Variants in NWD1 observed in about 807,000 individuals in gnomAD.
NWD1 encodes NACHT and WD repeat domain containing 1.
NWD1 carries 129 observed loss-of-function variants against 135.1 expected under a neutral mutation model. That is an observed-to-expected ratio of 0.96 (90% CI 0.83 to 1.11). NWD1 has a LOEUF of 1.11. Ranked by LOEUF, NWD1 falls within the 50% of genes least tolerant of loss-of-function variation. NWD1 has a pLI of 0.00. For synonymous variants in NWD1, 773 were observed against 786.0 expected (o/e 0.98, Z 0.28); for missense variants, 1,740 against 1,851.3 (o/e 0.94, Z 1.10).
chr19:16,762,255 C>T lies in NWD1; in HGVS notation c.2133+117C>T, dbSNP rs548771516. 1.7e-4 allele frequency: 145 copies of T among 869,290 alleles called. 1 individual carries two copies. Among genetic ancestry groups the T allele is most frequent in the Middle Eastern group, 1.3e-3 (4 of 3,200 alleles). 53.8% of individuals were successfully genotyped at this position (869,290 alleles called of 1,614,324 possible). ...GTCCTCCCGACCTACTTCTCCTTTC[C>T]GCACAGAGGGCAAGATGTCCCTTCT... On this transcript the variant is annotated intron_variant, in intron 8 of 18. Coordinates refer to ENST00000524140, the MANE Select transcript of NWD1 (RefSeq NM_001007525.5).
At chr19:16,796,073 G>A (rs180780072) in intron 15 of NWD1, among the ~76,000 whole-genome samples, 47 of 152,312 alleles carry the variant, frequency 3.1e-4, no homozygotes, top group Middle Eastern at 6.8e-3. Context: ...GGCTGAGTCT[G>A]GGCGTTTTTA....
intron 13 of NWD1, among the ~76,000 whole-genome samples, chr19:16,790,639 A>AAAAAAT (rs1555730357): frequency 6.8e-6 from 1 of 147,242 alleles, no homozygotes; most frequent in Non-Finnish European, 1.5e-5. Flanking sequence ...CATTAAAAAA[A>AAAAAAT]AATAAATAAA....
chr19:16,720,218 A>G lies in NWD1; in HGVS notation c.-180A>G, dbSNP rs1273775489. On this transcript the variant is annotated 5_prime_UTR_variant, in exon 1 of 19. Coordinates refer to ENST00000524140, the MANE Select transcript of NWD1 (RefSeq NM_001007525.5). The stretch of plus-strand genomic sequence containing the variant: ...GCCAGGCACGCCAGCCTTACCAGAC[A>G]AGATCCTTGGGCTCATGGAATTCAC... The G allele has an allele frequency of 6.6e-6, 1 of 152,238 alleles. No individual in the cohort carries two copies. Among genetic ancestry groups the G allele is most frequent in the Non-Finnish European group, 1.5e-5 (1 of 68,064 alleles). The allele number at this position is 152,238 out of a possible 1,614,324, so 9.4% of individuals were successfully genotyped here.
At chr19:16,803,628 T>A (rs1970666195) in intron 17 of NWD1, among the ~76,000 whole-genome samples, 1 of 151,840 alleles carries the variant, frequency 6.6e-6, no homozygotes, top group Non-Finnish European at 1.5e-5. Flanking sequence ...GGAAACTAGC[T>A]AGTCATGGCC....
chr19:16,770,741 G>A (rs934171822), intron 10 of NWD1, among the ~76,000 whole-genome samples: 4 of 152,146 alleles, frequency 2.6e-5, no homozygotes, highest in South Asian at 2.1e-4. Context: ...TGTTGCCATC[G>A]AGGGTCCTGT....
At chr19:16,727,028 G>A (rs1443810512) in intron 2 of NWD1, among the ~76,000 whole-genome samples, 1 of 152,150 alleles carries the variant, frequency 6.6e-6, no homozygotes, top group African/African-American at 2.4e-5. Flanking sequence ...AGAATGGGGT[G>A]GGACTTTCGT....
chr19:16,784,578 G>A (rs113537476), intron 12 of NWD1, among the ~76,000 whole-genome samples: 2 of 152,080 alleles, frequency 1.3e-5, no homozygotes, highest in Non-Finnish European at 2.9e-5. Context: ...TGAGGTTGGC[G>A]GGTCTACAGA....
chr19:16,731,666 G>A (rs113613781), intron 3 of NWD1, among the ~76,000 whole-genome samples: 3,734 of 149,486 alleles, frequency 0.025, 153 homozygotes, highest in African/African-American at 0.086. Flanking sequence ...GTGCAATGGT[G>A]CAATCTCAGC....
chr19:16,763,739 T>C (rs1034164366), intron 8 of NWD1, 89 bp from the exon 9 acceptor site: 2 of 840,448 alleles, frequency 2.4e-6, no homozygotes, highest in East Asian at 2.5e-5. Flanking sequence ...TCCAGCACTG[T>C]CTGGAGCATG....
intron 3 of NWD1, among the ~76,000 whole-genome samples, chr19:16,732,377 T>G (rs1265379148): frequency 6.6e-6 from 1 of 151,932 alleles, no homozygotes. Context: ...GTCATTTAAC[T>G]GTCTGTTGTT....
intron 14 of NWD1, among the ~76,000 whole-genome samples, chr19:16,792,176 G>C (rs1599541302): frequency 6.6e-6 from 1 of 152,284 alleles, no homozygotes; most frequent in Middle Eastern, 3.4e-3. Flanking sequence ...TTGCGCCACA[G>C]AGGGACTAGG....
chr19:16,722,765 CTT>C (rs980587110), intron 1 of NWD1, among the ~76,000 whole-genome samples: 2 of 151,848 alleles, frequency 1.3e-5, no homozygotes, highest in African/African-American at 4.8e-5. Flanking sequence ...AACAACATGA[CTT>C]AGAGAGGGAG....
In NWD1 at chr19:16,741,231, G is replaced by T. The variant is rs189094423; in HGVS notation, c.199-3190G>T. Among the ~76,000 whole-genome samples, 5 of 152,200 alleles carry T rather than the reference G, an allele frequency of 3.3e-5. No individual in the cohort carries two copies. In the East Asian group the frequency reaches 7.7e-4, roughly 24 times the overall value. ...CCCTCTTCTTGCCAGTGCCTTAGTC[G>T]CTGTGCCCTTCCTACAGCAGCCATG... On this transcript the variant is annotated intron_variant, in intron 4 of 18. Transcript: ENST00000524140.
At chr19:16,741,366 G>GTTT (rs1968071846) in intron 4 of NWD1, among the ~76,000 whole-genome samples, 1 of 135,390 alleles carries the variant, frequency 7.4e-6, no homozygotes, top group Admixed American at 7.6e-5. Context: ...TTTTGTTTTT[G>GTTT]TGTTTTTTTT....
At chr19:16,742,877 T>G (rs1968141768) in intron 4 of NWD1, among the ~76,000 whole-genome samples, 1 of 128,796 alleles carries the variant, frequency 7.8e-6, no homozygotes, top group South Asian at 2.6e-4. Flanking sequence ...TCTCACTATG[T>G]TGCCTATTAT....
intron 16 of NWD1, among the ~76,000 whole-genome samples, chr19:16,798,668 A>G (rs968878114): frequency 1.3e-5 from 2 of 152,172 alleles, no homozygotes; most frequent in Non-Finnish European, 2.9e-5. Context: ...TCAGTCGCCC[A>G]GGCTGGAGGG....
chr19:16,764,891 A>G, intron 9 of NWD1, 143 bp from the exon 10 acceptor site: 1 of 890,662 alleles, frequency 1.1e-6, no homozygotes, highest in Non-Finnish European at 1.7e-6. Context: ...TCAGCCCCTT[A>G]CCACAGAGAA....
chr19:16,810,734 C>T (rs891622599), intron 18 of NWD1, among the ~76,000 whole-genome samples: 1 of 152,010 alleles, frequency 6.6e-6, no homozygotes, highest in African/African-American at 2.4e-5. Context: ...CTGCACTCCA[C>T]CCTGGATGAC....
chr19:16,728,837 G>C (rs142434370), intron 2 of NWD1, among the ~76,000 whole-genome samples: 5 of 151,436 alleles, frequency 3.3e-5, no homozygotes, highest in South Asian at 2.1e-4. Flanking sequence ...CCAGCTGCTC[G>C]GGAGGCTGAG....
Sources: allele counts gnomAD v4.1 joint callset (sites outside exome capture counted in the v4.1 genomes callset), GRCh38; gene constraint gnomAD v4.1.1; transcripts MANE v1.5; gene names NCBI Gene and HGNC (gene_info 2026-07-23, HGNC 2026-07-21).